TNRC6A: variants seen among roughly 807,000 people sequenced by gnomAD.
TNRC6A encodes the protein trinucleotide repeat containing adaptor 6A.
Under a neutral mutation model 221.2 loss-of-function variants are expected in TNRC6A, and 44 were observed. That is an observed-to-expected ratio of 0.20 (90% CI 0.16 to 0.26). The LOEUF is 0.26. Among genes scored for constraint, TNRC6A ranks in the 10% least tolerant of loss-of-function variants. The probability of loss-of-function intolerance (pLI) is 1.00; values close to 1 mark genes in which losing one functional copy is unlikely to be tolerated. For synonymous variants in TNRC6A, 847 were observed against 838.5 expected, an observed-to-expected ratio of 1.01 and a Z score of -0.18; for missense variants, 2,199 against 2,404.4, an observed-to-expected ratio of 0.91 and a Z score of 1.79.
At chr16:24,820,115 T>C (rs746252446) in intron 21 of TNRC6A, 24 bp from the exon 22 acceptor site, 8 of 1,597,846 alleles carry the variant, frequency 5.0e-6, no homozygotes, top group Non-Finnish European at 6.9e-6. Context: ...TCCTCCCCTC[T>C]CCATTTTTTC....
At chr16:24,671,914 A>T (rs1304398679) in intron 2 of TNRC6A, among the ~76,000 whole-genome samples, 1 of 152,184 alleles carries the variant, frequency 6.6e-6, no homozygotes, top group Admixed American at 6.6e-5. Flanking sequence ...AAAAAGAGTA[A>T]AGAGACAAAA....
Position 24,804,765 on chromosome 16 carries a change from C to T in TNRC6A, c.3898C>T (p.Leu1300Phe), listed in dbSNP as rs760072985. ...MQFMSSQSMK[L>F]PPSNSALPNQ... ...GTTTATGTCCAGTCAAAGCATGAAG[C>T]TTCCCCCTTCAAATAGTGCACTACC... Residue 1300 changes from leucine to phenylalanine, a missense_variant, in exon 13 of 25, where the codon CTT becomes TTT. By Grantham distance (22) the Leu-to-Phe change is conservative. Coordinates refer to ENST00000395799, the MANE Select transcript of TNRC6A (RefSeq NM_014494.4). The T allele has an allele frequency of 2.5e-6, 4 of 1,608,984 alleles. No individual in the cohort carries two copies. Among genetic ancestry groups the T allele is most frequent in the Non-Finnish European group, 3.4e-6 (4 of 1,179,002 alleles).
At chr16:24,806,306 C>T (rs757988670) in intron 16 of TNRC6A, 23 bp downstream of exon 16, 7 of 1,612,924 alleles carry the variant, frequency 4.3e-6, no homozygotes, top group Non-Finnish European at 5.9e-6. Context: ...CTGCAACTCG[C>T]AATGCTGTCT....
chr16:24,773,336 T>G (rs78619969), intron 4 of TNRC6A, among the ~76,000 whole-genome samples: 1,910 of 152,336 alleles, frequency 0.013, 46 homozygotes, highest in African/African-American at 0.042. Flanking sequence ...AAATGTACTT[T>G]TTTCTTCTTT....
intron 1 of TNRC6A, among the ~76,000 whole-genome samples, chr16:24,632,178 T>C (rs539547355): frequency 8.5e-5 from 13 of 152,270 alleles, no homozygotes; most frequent in African/African-American, 2.9e-4. Context: ...GTCTCATATC[T>C]GTAAATATCA....
chr16:24,741,966 A>C (rs2056902064), intron 2 of TNRC6A, among the ~76,000 whole-genome samples: 1 of 152,110 alleles, frequency 6.6e-6, no homozygotes, highest in African/African-American at 2.4e-5. Context: ...CCTCCTGAGG[A>C]GCTGGGACTA....
At chr16:24,711,672 T>TA (rs61080786) in intron 2 of TNRC6A, among the ~76,000 whole-genome samples, 27,137 of 152,088 alleles carry the variant, frequency 0.18, 3,616 homozygotes, top group East Asian at 0.37. Context: ...AGTTCCTTTT[T>TA]ATTGCTGAGT....
intron 7 of TNRC6A, 48 bp downstream of exon 7, chr16:24,793,697 A>C: frequency 7.7e-7 from 1 of 1,301,514 alleles, no homozygotes; most frequent in Non-Finnish European, 1.0e-6. Context: ...AGTGGCGAAC[A>C]CTCACTGACT....
chr16:24,659,105 C>T (rs979407830), intron 2 of TNRC6A, among the ~76,000 whole-genome samples: 3 of 152,016 alleles, frequency 2.0e-5, no homozygotes, highest in Non-Finnish European at 4.4e-5. Flanking sequence ...CAGTAGGACC[C>T]ATTGCACCCC....
intron 2 of TNRC6A, among the ~76,000 whole-genome samples, chr16:24,707,043 T>C (rs1567374500): frequency 2.0e-5 from 3 of 152,048 alleles, no homozygotes; most frequent in East Asian, 3.9e-4. Flanking sequence ...TCACCCAGGC[T>C]GGAGTGCAGT....
chr16:24,820,707 G>A (rs141368205), intron 22 of TNRC6A, among the ~76,000 whole-genome samples: 1 of 152,354 alleles, frequency 6.6e-6, no homozygotes, highest in East Asian at 1.9e-4. Context: ...TGAAGACTAG[G>A]GGGGTAGCTT....
chr16:24,774,294 T>G (rs944897780), intron 4 of TNRC6A, among the ~76,000 whole-genome samples: 1 of 152,224 alleles, frequency 6.6e-6, no homozygotes, highest in Admixed American at 6.5e-5. Flanking sequence ...AAGATTGTAC[T>G]TCAGATTAGC....
At chr16:24,642,280 G>A (rs1488082543) in intron 2 of TNRC6A, among the ~76,000 whole-genome samples, 1 of 152,208 alleles carries the variant, frequency 6.6e-6, no homozygotes, top group African/African-American at 2.4e-5. Flanking sequence ...TATCCAAAGT[G>A]GTGGTGTGGG....
chr16:24,619,976 T>C (rs569245273), intron 1 of TNRC6A, among the ~76,000 whole-genome samples: 43 of 152,020 alleles, frequency 2.8e-4, no homozygotes, highest in African/African-American at 1.0e-3. Context: ...ACCCAGGCTG[T>C]ATAAAAAATT....
intron 1 of TNRC6A, among the ~76,000 whole-genome samples, chr16:24,632,342 T>A (rs1347902136): frequency 1.3e-5 from 2 of 152,108 alleles, no homozygotes; most frequent in African/African-American, 2.4e-5. Flanking sequence ...ACCTCCAATA[T>A]CTTTCCCAAC....
chr16:24,767,197 C>T (rs1046333157), intron 4 of TNRC6A, among the ~76,000 whole-genome samples: 1 of 152,192 alleles, frequency 6.6e-6, no homozygotes, highest in Non-Finnish European at 1.5e-5. Context: ...TAAATTTTGC[C>T]TAATCCCAGG....
chr16:24,659,122 AT>A (rs1380449169), intron 2 of TNRC6A, among the ~76,000 whole-genome samples: 1 of 151,842 alleles, frequency 6.6e-6, no homozygotes, highest in Non-Finnish European at 1.5e-5. Context: ...CCCCACCATT[AT>A]TTTATTTTCT....
chr16:24,660,993 G>A (rs1271680425), intron 2 of TNRC6A, among the ~76,000 whole-genome samples: 1 of 151,752 alleles, frequency 6.6e-6, no homozygotes, highest in Non-Finnish European at 1.5e-5. Context: ...CACCCATCTC[G>A]GCCTCCCAAA....
chr16:24,672,145 G>T (rs980611840), intron 2 of TNRC6A, among the ~76,000 whole-genome samples: 1 of 152,032 alleles, frequency 6.6e-6, no homozygotes, highest in African/African-American at 2.4e-5. Flanking sequence ...TTTTTGAGAC[G>T]GAGTCTTGCT....
Sources: gnomAD v4.1 joint callset for allele counts (sites outside exome capture counted in the v4.1 genomes callset) on GRCh38, gnomAD v4.1.1 for gene constraint, MANE v1.5 for transcripts, NCBI Gene and HGNC (gene_info 2026-07-23, HGNC 2026-07-21) for gene names.